The following HMGCS2 variants were observed in gnomAD, a reference collection of about 807,000 sequenced individuals.
HMGCS2 encodes the protein hydroxymethylglutaryl-CoA synthase, mitochondrial.
HMGCS2 carries 50 observed loss-of-function variants against 57.4 expected under a neutral mutation model. The ratio of observed to expected loss-of-function variants is 0.87; its 90% CI spans 0.69 to 1.10. HMGCS2 has a LOEUF of 1.10. Ranked by LOEUF, HMGCS2 falls within the 50% of genes least tolerant of loss-of-function variation. The probability of loss-of-function intolerance (pLI) is 0.00; values close to 1 mark genes in which losing one functional copy is unlikely to be tolerated. For synonymous variants in HMGCS2, 254 were observed against 245.1 expected (o/e 1.04, Z -0.34); for missense variants, 627 against 636.5 (o/e 0.99, Z 0.16).
intron 7 of HMGCS2, among the ~76,000 whole-genome samples, 192 bp downstream of exon 7, chr1:119,753,088 T>A (rs1234859155): frequency 2.6e-5 from 4 of 152,190 alleles, no homozygotes; most frequent in Non-Finnish European, 4.4e-5. Flanking sequence ...CTCTAAGTAG[T>A]AGCCAAATAA....
chr1:119,748,775 A>G lies in HMGCS2; in HGVS notation c.*72T>C, dbSNP rs1256456049. On this transcript the variant is annotated 3_prime_UTR_variant, in exon 10 of 10. Coordinates refer to ENST00000369406, the MANE Select transcript of HMGCS2 (RefSeq NM_005518.4). ...ACCAGCTAAGAGTGGGATCTTAAAAATATGATTCACGGGGAGAAGCTCTGC... is the reference window on the plus strand; with the variant it reads ...ACCAGCTAAGAGTGGGATCTTAAAAGTATGATTCACGGGGAGAAGCTCTGC... 2 of 152,240 alleles carry G rather than the reference A, an allele frequency of 1.3e-5. No homozygotes were observed. Among genetic ancestry groups the G allele is most frequent in the African/African-American group, 2.4e-5 (1 of 41,462 alleles). The allele number at this position is 152,240 out of a possible 1,614,324, so 9.4% of individuals were successfully genotyped here.
chr1:119,768,769 C>A lies in HMGCS2; in HGVS notation c.76G>T (p.Ala26Ser). ...TGGTGGGCTACTGGGAGCAGGCGAG[C>A]AGGTGTGAGGGAGGTTTCCTGCACC... The part of the protein sequence containing the change: ...RAVQETSLTP[A>S]RLLPVAHQRF... Residue 26 changes from alanine to serine, a missense_variant, in exon 1 of 10, where the codon GCT becomes TCT. By Grantham distance (99) the Ala-to-Ser change is moderately conservative (BLOSUM62 1). Coordinates refer to ENST00000369406, the MANE Select transcript of HMGCS2 (RefSeq NM_005518.4). 6.2e-7 allele frequency: 1 copy of A among 1,613,912 alleles called. No homozygotes were observed. Among genetic ancestry groups the A allele is most frequent in the Middle Eastern group, 1.7e-4 (1 of 6,060 alleles).
chr1:119,755,979 C>T (rs987877737), intron 5 of HMGCS2, among the ~76,000 whole-genome samples: 6 of 151,994 alleles, frequency 3.9e-5, no homozygotes, highest in Non-Finnish European at 5.9e-5. Context: ...CAGGATGTAC[C>T]GCACTTTAAC....
At chr1:119,755,357 G>T in intron 6 of HMGCS2, 70 bp downstream of exon 6, 1 of 1,462,774 alleles carries the variant, frequency 6.8e-7, no homozygotes, top group Non-Finnish European at 9.6e-7. Context: ...CAACTTTGTT[G>T]ACCCTGCAGC....
At chr1:119,758,941 T>A (rs1304976616) in intron 4 of HMGCS2, among the ~76,000 whole-genome samples, 177 bp downstream of exon 4, 2 of 152,240 alleles carry the variant, frequency 1.3e-5, no homozygotes, top group East Asian at 3.8e-4. Flanking sequence ...TGAAGTTGAA[T>A]GACTTCCAAA....
chr1:119,764,485 T>C lies in HMGCS2; in HGVS notation c.246A>G (p.Gly82=), dbSNP rs1479205954. The change falls in exon 2 of 10, where the codon GGA becomes GGG. Residue 82 remains glycine (G), a synonymous_variant. Coordinates refer to ENST00000369406, the MANE Select transcript of HMGCS2 (RefSeq NM_005518.4). ...DLEKYNNVEA[G]KYTVGLGQTR... ...TCTGGCCCAAGCCCACTGTATACTT[T>C]CCTGCTTCCACATTGTTATACTTCT... 3 of 1,612,472 alleles carry C rather than the reference T, an allele frequency of 1.9e-6. No individual in the cohort carries two copies. Among genetic ancestry groups the C allele is most frequent in the South Asian group, 1.1e-5 (1 of 91,054 alleles).
intron 2 of HMGCS2, among the ~76,000 whole-genome samples, chr1:119,761,101 A>G (rs368713515): frequency 1.3e-5 from 2 of 148,486 alleles, no homozygotes; most frequent in East Asian, 1.9e-4. Flanking sequence ...ATATAAATAT[A>G]CAAATAATTT....
chr1:119,759,929 G>T lies in HMGCS2; in HGVS notation c.620C>A (p.Pro207His). The part of the protein sequence containing the change: ...IAVYPSGNAR[P>H]TGGAGAVAML... ...AGCCACAGCTCCGGCCCCACCTGTGGGACGAGCATTACCACTGGGATAGAC... is the reference window on the plus strand; with the variant it reads ...AGCCACAGCTCCGGCCCCACCTGTGTGACGAGCATTACCACTGGGATAGAC... Residue 207 changes from proline (P) to histidine (H), a missense_variant, in exon 3 of 10, where the codon CCC becomes CAC. By Grantham distance (77) the Pro-to-His change is moderately conservative. Transcript: ENST00000369406. The T allele has an allele frequency of 6.2e-7, 1 of 1,614,140 alleles. No homozygotes were observed. The highest frequency in any genetic ancestry group is 1.1e-5 in the South Asian group (1 of 91,074).
chr1:119,763,126 G>A (rs984608176), intron 2 of HMGCS2, among the ~76,000 whole-genome samples: 2 of 152,118 alleles, frequency 1.3e-5, no homozygotes, highest in Non-Finnish European at 2.9e-5. Flanking sequence ...GAGCCAGGTA[G>A]GGCAGTTGGA....
At position 119,755,585 on chromosome 1, in the gene HMGCS2, C is replaced by T. The variant is rs769058291; in HGVS notation, c.1029G>A (p.Leu343=). The T allele has an allele frequency of 1.2e-5, 20 of 1,613,902 alleles. No individual in the cohort carries two copies. In the Admixed American group the frequency reaches 1.7e-4, roughly 13 times the overall value. ...KGLEAFGGLK[L]EDTYTNKDLD... ...GGTCCTTGTTGGTGTAGGTGTCTTCCAGCTTTAGCCCCCTGTGAGGTAGCC... is the reference window on the plus strand; with the variant it reads ...GGTCCTTGTTGGTGTAGGTGTCTTCTAGCTTTAGCCCCCTGTGAGGTAGCC... The change falls in exon 6 of 10, where the codon CTG becomes CTA. Residue 343 remains leucine (L), a synonymous_variant. Transcript: ENST00000369406.
chr1:119,752,446 A>C, intron 8 of HMGCS2, 103 bp downstream of exon 8: 3 of 1,276,450 alleles, frequency 2.4e-6, no homozygotes, highest in Non-Finnish European at 3.4e-6. Context: ...ATCTCGTAAA[A>C]GTCTTGACCC....
In HMGCS2 at chr1:119,768,817, G is replaced by A. The variant is rs373202578; in HGVS notation, c.28C>T (p.Arg10Cys). Residue 10 changes from arginine to cysteine, a missense_variant, in exon 1 of 10, where the codon CGC (arginine) becomes TGC (cysteine). Arg to Cys is a radical substitution (Grantham distance 180). Transcript: ENST00000369406. MQRLLTPVK[R>C]ILQLTRAVQE... is the part of the protein sequence containing the mutation. ...ACCGCTCTTGTCAGTTGCAGAATGC[G>A]CTTCACTGGAGTCAACAGACGCTGC... is the stretch of plus-strand genomic sequence containing the variant. 1.0e-4 allele frequency: 169 copies of A among 1,613,836 alleles called. 1 individual carries two copies. Among genetic ancestry groups the A allele is most frequent in the Non-Finnish European group, 1.3e-4 (155 of 1,179,898 alleles).
intron 6 of HMGCS2, among the ~76,000 whole-genome samples, chr1:119,754,240 A>G (rs1478208682): frequency 6.6e-6 from 1 of 152,014 alleles, no homozygotes; most frequent in African/African-American, 2.4e-5. Context: ...TATTTTTAGT[A>G]GAGAAGGGGT....
intron 6 of HMGCS2, among the ~76,000 whole-genome samples, chr1:119,753,965 G>A (rs1557989188): frequency 6.6e-6 from 1 of 151,406 alleles, no homozygotes; most frequent in Non-Finnish European, 1.5e-5. Context: ...GCTCACTGCA[G>A]CCTTTACCTC....
chr1:119,767,304 A>G (rs1653263715), intron 1 of HMGCS2, among the ~76,000 whole-genome samples: 1 of 152,204 alleles, frequency 6.6e-6, no homozygotes, highest in African/African-American at 2.4e-5. Context: ...GGATCAGAGA[A>G]GCTTCGTGGA....
chr1:119,755,507 CTTGGTTTTCTTGTCGAACATG>C lies in HMGCS2; in HGVS notation c.1086_1106del (p.Asp362_Lys369delinsGlu). The C allele has an allele frequency of 6.2e-7, 1 of 1,613,960 alleles. No homozygotes were observed. The highest frequency in any genetic ancestry group is 8.5e-7 in the Non-Finnish European group (1 of 1,179,950). ...TGTGAGTGGAGAGGTAAAGGGAAGCCTTGGTTTTCTTGTCGAACATGTCCTGAGAGGCCTTTAGAAGTGCTT... is the reference window on the plus strand; with the variant it reads ...TGTGAGTGGAGAGGTAAAGGGAAGCCTCCTGAGAGGCCTTTAGAAGTGCTT... On this transcript the variant is annotated inframe_deletion, in exon 6 of 10. Coordinates refer to ENST00000369406, the MANE Select transcript of HMGCS2 (RefSeq NM_005518.4).
intron 4 of HMGCS2, among the ~76,000 whole-genome samples, chr1:119,757,923 T>C (rs1253460987): frequency 6.6e-6 from 1 of 152,222 alleles, no homozygotes; most frequent in African/African-American, 2.4e-5. Context: ...ACCTTACATA[T>C]GCAAATAAGG....
chr1:119,755,327 T>C, intron 6 of HMGCS2, 100 bp downstream of exon 6: 1 of 1,168,956 alleles, frequency 8.6e-7, no homozygotes, highest in South Asian at 1.2e-5. Flanking sequence ...CTTTTAAATT[T>C]CTGAGCCAAA....
At chr1:119,756,560 A>G (rs1050136106) in intron 5 of HMGCS2, among the ~76,000 whole-genome samples, 1 of 152,224 alleles carries the variant, frequency 6.6e-6, no homozygotes, top group African/African-American at 2.4e-5. Flanking sequence ...AATTTGAAAT[A>G]AACAGGTACC....
Sources: gnomAD v4.1 joint callset for allele counts (sites outside exome capture counted in the v4.1 genomes callset) on GRCh38, gnomAD v4.1.1 for gene constraint, MANE v1.5 for transcripts, NCBI Gene and HGNC (gene_info 2026-07-23, HGNC 2026-07-21) for gene names.